The following TBCK variants were observed in gnomAD, a reference collection of about 807,000 sequenced individuals.
The protein encoded by TBCK is TBC domain-containing protein kinase-like protein.
A neutral mutation model predicts 113.4 loss-of-function variants in TBCK; 99 were observed. The observed-to-expected ratio is 0.87, with a 90% confidence interval of 0.74 to 1.03. The LOEUF (loss-of-function observed/expected upper bound fraction) is 1.03. TBCK is among the 50% of genes least tolerant of loss of function. TBCK has a pLI of 0.00. For synonymous variants in TBCK, 369 were observed against 370.8 expected, an observed-to-expected ratio of 1.00 and a Z score of 0.05; for missense variants, 1,045 against 1,061.3, an observed-to-expected ratio of 0.98 and a Z score of 0.21.
At chr4:106,194,435 T>C (rs1753987600) in intron 21 of TBCK, among the ~76,000 whole-genome samples, 1 of 152,118 alleles carries the variant, frequency 6.6e-6, no homozygotes, top group Admixed American at 6.6e-5. Flanking sequence ...GTTGCCCTTA[T>C]AAGCTTTATG....
intron 20 of TBCK, among the ~76,000 whole-genome samples, chr4:106,200,853 A>C (rs954596559): frequency 6.6e-6 from 1 of 152,186 alleles, no homozygotes; most frequent in Non-Finnish European, 1.5e-5. Context: ...TGAAAGTGAT[A>C]AATTAAAAGA....
At position 106,171,233 on chromosome 4, in the gene TBCK, G is replaced by A. The variant is rs759761980; in HGVS notation, c.2097C>T (p.Asn699=). The change falls in exon 23 of 26, where the codon AAC becomes AAT. Residue 699 remains asparagine, a synonymous_variant. Transcript: ENST00000394708. ...CACTTTTAGGAGTCCAACAAAACAG[G>A]TTGATAGATTCTCTCACACAGCGTT... is the stretch of plus-strand genomic sequence containing the variant. ...DIERCVRESI[N]LFCWTPKSAT... is the part of the protein sequence containing the mutation. The A allele has an allele frequency of 1.4e-5, 22 of 1,611,022 alleles. No homozygotes were observed. The South Asian group carries it at 2.4e-4, about 18-fold the overall frequency.
chr4:106,272,488 A>ATTTTTTT (rs746246379), intron 3 of TBCK, among the ~76,000 whole-genome samples: 1 of 124,562 alleles, frequency 8.0e-6, no homozygotes, highest in Non-Finnish European at 1.6e-5. Flanking sequence ...TGTTTATTTA[A>ATTTTTTT]TTTTTTTTTT....
At chr4:106,139,042 C>T (rs561080576) in intron 23 of TBCK, among the ~76,000 whole-genome samples, 2 of 140,654 alleles carry the variant, frequency 1.4e-5, no homozygotes, top group South Asian at 2.4e-4. Flanking sequence ...GACTATATTA[C>T]CCTTCACTCT....
intron 18 of TBCK, 150 bp downstream of exon 18, chr4:106,231,579 T>C (rs1250367444): frequency 5.1e-6 from 3 of 589,078 alleles, no homozygotes; most frequent in Middle Eastern, 4.7e-4. Flanking sequence ...ATCCTTCACA[T>C]CTCTAAAATG....
intron 24 of TBCK, among the ~76,000 whole-genome samples, chr4:106,101,656 T>A (rs1272130980): frequency 6.6e-6 from 1 of 152,140 alleles, no homozygotes; most frequent in African/African-American, 2.4e-5. Context: ...GATACTAACT[T>A]TTTTTTAAAA....
chr4:106,210,184 T>C (rs1755971127), intron 20 of TBCK, among the ~76,000 whole-genome samples: 2 of 152,038 alleles, frequency 1.3e-5, no homozygotes, highest in Non-Finnish European at 1.5e-5. Flanking sequence ...GATTTACTAA[T>C]AGCCTTAGAA....
intron 25 of TBCK, among the ~76,000 whole-genome samples, chr4:106,074,959 C>T (rs776552842): frequency 1.2e-4 from 19 of 152,088 alleles, no homozygotes; most frequent in Admixed American, 2.6e-4. Context: ...CCAGAGCTCC[C>T]GACTGGTTAA....
At chr4:106,145,086 TA>T (rs1747616915) in intron 23 of TBCK, among the ~76,000 whole-genome samples, 1 of 147,410 alleles carries the variant, frequency 6.8e-6, no homozygotes, top group South Asian at 2.1e-4. Flanking sequence ...TTGGGAGGCC[TA>T]GGGGGGCAGA....
At position 106,308,925 on chromosome 4, in the gene TBCK, A is replaced by C; in HGVS notation, c.36T>G (p.Phe12Leu). ...FPLKDAEMGA[F>L]TFFASALPHD... ...GTGGCAGAGCCGAGGCAAAGAAGGT[A>C]AAGGCTCCCATTTCAGCGTCCTTCA... The change falls in exon 2 of 26, where the codon TTT (phenylalanine) becomes TTG (leucine). Residue 12 changes from phenylalanine (F) to leucine (L), a missense_variant. Coordinates refer to ENST00000394708, the MANE Select transcript of TBCK (RefSeq NM_001163435.3). The C allele has an allele frequency of 6.2e-7, 1 of 1,614,134 alleles. No individual in the cohort carries two copies. Among genetic ancestry groups the C allele is most frequent in the Non-Finnish European group, 8.5e-7 (1 of 1,180,012 alleles).
chr4:106,069,158 A>C (rs112219951), intron 25 of TBCK, among the ~76,000 whole-genome samples: 6,290 of 152,138 alleles, frequency 0.041, 441 homozygotes, highest in African/African-American at 0.14. Flanking sequence ...ATTAGATCTC[A>C]TTTGTCAATT....
chr4:106,151,824 G>C (rs1748527105), intron 23 of TBCK, among the ~76,000 whole-genome samples: 1 of 151,760 alleles, frequency 6.6e-6, no homozygotes. Flanking sequence ...TAATTCCTAA[G>C]TATTTTGTTT....
At chr4:106,242,657 C>A in intron 11 of TBCK, 88 bp from the exon 12 acceptor site, 1 of 768,256 alleles carries the variant, frequency 1.3e-6, no homozygotes, top group Non-Finnish European at 2.0e-6. Context: ...AGTCATCAAT[C>A]CCTTCATCAA....
intron 15 of TBCK, among the ~76,000 whole-genome samples, chr4:106,235,006 T>G (rs888107125): frequency 2.0e-5 from 3 of 152,116 alleles, no homozygotes; most frequent in Non-Finnish European, 4.4e-5. Context: ...TCTTAAAATA[T>G]TCTATGGTAA....
chr4:106,079,204 C>T (rs1212076293), intron 25 of TBCK, among the ~76,000 whole-genome samples: 1 of 152,088 alleles, frequency 6.6e-6, no homozygotes, highest in East Asian at 1.9e-4. Flanking sequence ...AGGACAAACC[C>T]ACAGCCAATA....
intron 23 of TBCK, among the ~76,000 whole-genome samples, chr4:106,155,782 C>T (rs1049041907): frequency 2.0e-5 from 3 of 151,994 alleles, no homozygotes; most frequent in African/African-American, 7.2e-5. Flanking sequence ...ATTCTGAATT[C>T]CTTCTCTGTG....
intron 3 of TBCK, among the ~76,000 whole-genome samples, chr4:106,290,485 T>C (rs995211708): frequency 4.6e-5 from 7 of 152,202 alleles, no homozygotes; most frequent in African/African-American, 1.7e-4. Flanking sequence ...CGGAATAATA[T>C]ATTCTTTTAA....
Position 106,235,376 on chromosome 4 carries a change from T to C in TBCK, c.1351-9A>G, listed in dbSNP as rs774815942. 3 of 1,572,368 alleles carry C rather than the reference T, an allele frequency of 1.9e-6. No individual in the cohort carries two copies. The highest frequency in any genetic ancestry group is 2.6e-6 in the Non-Finnish European group (3 of 1,154,424). ...TTTTTATATGGATAAGCCTATGATA[T>C]CAAAAAAGAAATGAAAACGTCTCAA... is the stretch of plus-strand genomic sequence containing the variant. On this transcript the variant is annotated splice_polypyrimidine_tract_variant and intron_variant, in intron 14 of 25. Coordinates refer to ENST00000394708, the MANE Select transcript of TBCK (RefSeq NM_001163435.3).
intron 3 of TBCK, among the ~76,000 whole-genome samples, chr4:106,279,393 T>C (rs551912419): frequency 1.3e-5 from 2 of 152,190 alleles, no homozygotes; most frequent in Non-Finnish European, 2.9e-5. Flanking sequence ...CAATGTGTAA[T>C]AATCATATCA....
Sources: allele counts gnomAD v4.1 joint callset (sites outside exome capture counted in the v4.1 genomes callset), GRCh38; gene constraint gnomAD v4.1.1; transcripts MANE v1.5; gene names NCBI Gene and HGNC (gene_info 2026-07-23, HGNC 2026-07-21).